Variants in CHD9 observed in about 807,000 individuals in gnomAD.
CHD9 encodes the protein ATP-dependent chromatin remodeler CHD9.
In CHD9, 77 loss-of-function variants were observed where a neutral mutation model predicts 316.1. The ratio of observed to expected loss-of-function variants is 0.24; its 90% CI spans 0.20 to 0.29. The LOEUF (loss-of-function observed/expected upper bound fraction) is 0.29. CHD9 is among the 10% of genes least tolerant of loss of function. The pLI is 1.00. For synonymous variants in CHD9, 1,129 were observed against 1,158.3 expected, an observed-to-expected ratio of 0.97 and a Z score of 0.51; for missense variants, 2,763 against 3,438.1, an observed-to-expected ratio of 0.80 and a Z score of 4.91.
At chr16:53,135,553 C>T (rs1032286966) in intron 1 of CHD9, among the ~76,000 whole-genome samples, 8 of 152,066 alleles carry the variant, frequency 5.3e-5, no homozygotes, top group African/African-American at 1.9e-4. Flanking sequence ...AAATGATTTC[C>T]TGGTTCCTGG....
intron 11 of CHD9, 66 bp downstream of exon 11, chr16:53,235,372 A>T: frequency 8.8e-7 from 1 of 1,134,768 alleles, no homozygotes; most frequent in South Asian, 1.6e-5. Flanking sequence ...GTCAAGTAAA[A>T]TAGATACTGT....
At chr16:53,302,827 T>C (rs2055570241) in intron 30 of CHD9, among the ~76,000 whole-genome samples, 1 of 152,216 alleles carries the variant, frequency 6.6e-6, no homozygotes, top group Admixed American at 6.5e-5. Context: ...CCCTGCATTG[T>C]TTCAGCAAGC....
chr16:53,155,797 G>T, intron 1 of CHD9, 129 bp from the exon 2 acceptor site: 4 of 292,232 alleles, frequency 1.4e-5, no homozygotes, highest in Non-Finnish European at 1.9e-5. Context: ...TATATAAATC[G>T]AGTCATATAA....
intron 1 of CHD9, among the ~76,000 whole-genome samples, chr16:53,129,349 G>A (rs964285796): frequency 1.3e-5 from 2 of 152,162 alleles, no homozygotes; most frequent in African/African-American, 4.8e-5. Context: ...TGGTGTGGGG[G>A]GCCCCAGAGA....
At chr16:53,189,933 A>G (rs144907602) in intron 2 of CHD9, among the ~76,000 whole-genome samples, 2 of 152,152 alleles carry the variant, frequency 1.3e-5, no homozygotes, top group African/African-American at 4.8e-5. Flanking sequence ...GTTTTTTTGC[A>G]TCTATATTAT....
chr16:53,055,586 A>C (rs2031988224), intron 1 of CHD9, among the ~76,000 whole-genome samples: 1 of 151,358 alleles, frequency 6.6e-6, no homozygotes, highest in South Asian at 2.1e-4. Flanking sequence ...GCTGGCAGCC[A>C]AATTTGAGGA....
At chr16:53,293,118 T>G in intron 29 of CHD9, 66 bp downstream of exon 29, 1 of 1,376,168 alleles carries the variant, frequency 7.3e-7, no homozygotes. Flanking sequence ...AAAGCCTGTC[T>G]GGGTACAATT....
chr16:53,223,905 A>G (rs2047442662), intron 4 of CHD9, among the ~76,000 whole-genome samples: 1 of 152,088 alleles, frequency 6.6e-6, no homozygotes, highest in African/African-American at 2.4e-5. Context: ...AAGGTTTGGA[A>G]TCAGCTGGAA....
chr16:53,108,842 C>T (rs1188880869), intron 1 of CHD9, among the ~76,000 whole-genome samples: 1 of 151,114 alleles, frequency 6.6e-6, no homozygotes, highest in African/African-American at 2.4e-5. Flanking sequence ...TCCATTGCAC[C>T]GAGATCGATC....
chr16:53,151,206 C>G (rs1407657698), intron 1 of CHD9, among the ~76,000 whole-genome samples: 2 of 123,058 alleles, frequency 1.6e-5, no homozygotes, highest in Admixed American at 1.7e-4. Flanking sequence ...CTCCCCTCCC[C>G]TCCCCTCCCC....
chr16:53,265,905 T>C (rs979342145), intron 20 of CHD9, among the ~76,000 whole-genome samples: 2 of 151,746 alleles, frequency 1.3e-5, no homozygotes, highest in African/African-American at 2.4e-5. Flanking sequence ...TAGATCAAAA[T>C]TGTATCAAAT....
At chr16:53,298,172 A>C (rs983766078) in intron 30 of CHD9, 3 of 152,326 alleles carry the variant, frequency 2.0e-5, no homozygotes, top group African/African-American at 4.8e-5. Flanking sequence ...CAGGAGCATG[A>C]GGCGGCAGTG....
intron 2 of CHD9, among the ~76,000 whole-genome samples, chr16:53,162,820 T>A (rs1211719900): frequency 1.3e-5 from 2 of 151,008 alleles, no homozygotes; most frequent in Non-Finnish European, 3.0e-5. Context: ...AGGGTCTTTG[T>A]CACTCAGACT....
intron 1 of CHD9, among the ~76,000 whole-genome samples, chr16:53,129,142 T>C (rs1231370451): frequency 6.6e-6 from 1 of 152,250 alleles, no homozygotes; most frequent in East Asian, 1.9e-4. Context: ...TGCTCTTTAA[T>C]GACCAAGCCT....
At chr16:53,078,317 A>G (rs1421487703) in intron 1 of CHD9, among the ~76,000 whole-genome samples, 1 of 152,120 alleles carries the variant, frequency 6.6e-6, no homozygotes, top group Non-Finnish European at 1.5e-5. Flanking sequence ...GAATTGATTC[A>G]TGATGTTTTC....
intron 2 of CHD9, among the ~76,000 whole-genome samples, chr16:53,204,048 A>C: frequency 1.3e-5 from 1 of 77,438 alleles, no homozygotes; most frequent in Non-Finnish European, 2.7e-5. Flanking sequence ...AAAAAAAAAA[A>C]ATATATATAT....
At chr16:53,264,802 A>G (rs1263305662) in intron 20 of CHD9, among the ~76,000 whole-genome samples, 1 of 152,166 alleles carries the variant, frequency 6.6e-6, no homozygotes, top group African/African-American at 2.4e-5. Context: ...GGGAATGGCA[A>G]TGAGACACTG....
In CHD9 at chr16:53,273,694, A is replaced by G. The variant is rs1221541244; in HGVS notation, c.4786A>G (p.Ile1596Val). The G allele has an allele frequency of 6.2e-7, 1 of 1,613,502 alleles. No individual in the cohort carries two copies. Among genetic ancestry groups the G allele is most frequent in the Non-Finnish European group, 8.5e-7 (1 of 1,179,558 alleles). ...AAAAACTCAAACAAGCTCATTTGAT[A>G]TACAAAAAGCAGAATGGCTTCGAAA... ...KVKTQTSSFD[I>V]QKAEWLRKYN... Residue 1596 changes from isoleucine to valine, a missense_variant, in exon 23 of 39, where the codon ATA becomes GTA. This residue lies in a region of CHD9 where 99 missense variants were observed against 131.6 expected (regional missense o/e 0.75). Transcript: ENST00000447540.
Position 53,304,528 on chromosome 16 carries a change from ATCT to A in CHD9, c.6528_6530del (p.Ser2181del), listed in dbSNP as rs755862383. On this transcript the variant is annotated inframe_deletion, in exon 31 of 39. Transcript: ENST00000447540. ...CTTCATCTTCATCTTGTTCTTCAGC[ATCT>A]TCTTCATCCTCTTCCTCCACCTCTT... The A allele has an allele frequency of 7.2e-5, 111 of 1,547,650 alleles. No homozygotes were observed. Among genetic ancestry groups the A allele is most frequent in the Middle Eastern group, 5.0e-4 (3 of 5,984 alleles).
Sources: allele counts gnomAD v4.1 joint callset (sites outside exome capture counted in the v4.1 genomes callset), GRCh38; gene constraint gnomAD v4.1.1; regional missense constraint gnomAD v4.1.1; transcripts MANE v1.5; gene names NCBI Gene and HGNC (gene_info 2026-07-23, HGNC 2026-07-21).